The following C10orf143 variants were observed in gnomAD, a reference collection of about 807,000 sequenced individuals.
C10orf143 encodes the protein uncharacterized protein C10orf143.
intron 1 of C10orf143, among the ~76,000 whole-genome samples, chr10:130,083,809 A>T (rs1204338636): frequency 6.6e-6 from 1 of 152,188 alleles, no homozygotes; most frequent in Non-Finnish European, 1.5e-5. Flanking sequence ...ACAGGGTGGC[A>T]TGGGAACAGA....
chr10:130,099,039 G>C (rs1168381774), intron 1 of C10orf143, among the ~76,000 whole-genome samples: 1 of 145,320 alleles, frequency 6.9e-6, no homozygotes, highest in Non-Finnish European at 1.5e-5. Context: ...AGTGAGCCAA[G>C]ATCATGCCAC....
intron 4 of C10orf143, among the ~76,000 whole-genome samples, chr10:130,035,205 G>A (rs1362764654): frequency 6.6e-6 from 1 of 152,138 alleles, no homozygotes; most frequent in Admixed American, 6.5e-5. Context: ...AGCAGATATG[G>A]TTTCCTCTGA....
At chr10:130,043,823 C>T (rs1190638482) in intron 3 of C10orf143, among the ~76,000 whole-genome samples, 4 of 152,208 alleles carry the variant, frequency 2.6e-5, no homozygotes, top group Non-Finnish European at 1.5e-5. Context: ...CCAAAATGAA[C>T]GAGCAGATGC....
chr10:130,052,233 G>C (rs1227868357), intron 3 of C10orf143, among the ~76,000 whole-genome samples: 1 of 151,960 alleles, frequency 6.6e-6, no homozygotes, highest in African/African-American at 2.4e-5. Flanking sequence ...CTGGACGGGA[G>C]CCCGATGGGG....
At chr10:130,053,962 AGCCAT>A (rs1860768503) in intron 3 of C10orf143, among the ~76,000 whole-genome samples, 2 of 152,166 alleles carry the variant, frequency 1.3e-5, no homozygotes, top group Non-Finnish European at 2.9e-5. Context: ...AGCAAGTGTG[AGCCAT>A]CCCTCCAAGT....
intron 1 of C10orf143, among the ~76,000 whole-genome samples, chr10:130,097,048 C>T (rs1156477969): frequency 6.6e-6 from 1 of 151,256 alleles, no homozygotes; most frequent in Non-Finnish European, 1.5e-5. Flanking sequence ...GTAACCTCTA[C>T]CTCCTGGGTT....
chr10:130,094,870 T>C (rs542320214), intron 1 of C10orf143, among the ~76,000 whole-genome samples: 1 of 152,318 alleles, frequency 6.6e-6, no homozygotes, highest in African/African-American at 2.4e-5. Flanking sequence ...TTGGAAGTTC[T>C]GGCCAGGGCA....
intron 3 of C10orf143, among the ~76,000 whole-genome samples, chr10:130,048,003 C>T (rs1220220314): frequency 6.6e-6 from 1 of 152,248 alleles, no homozygotes; most frequent in Non-Finnish European, 1.5e-5. Context: ...AGTGTCTCCC[C>T]CTCAATACTA....
downstream of C10orf143, among the ~76,000 whole-genome samples, chr10:130,059,506 A>G (rs1171750): frequency 1 from 151,746 of 152,322 alleles, 75,588 homozygotes; most frequent in Middle Eastern, 1. Context: ...AAGCATCTCC[A>G]AAAAGCAGTG....
intron 3 of C10orf143, among the ~76,000 whole-genome samples, chr10:130,041,157 G>A (rs904962393): frequency 6.6e-5 from 10 of 152,232 alleles, no homozygotes; most frequent in Non-Finnish European, 2.9e-5. Flanking sequence ...GTCTTGCCAG[G>A]GAGAAGCTGT....
intron 1 of C10orf143, chr10:130,106,429 G>A (rs1485372125): frequency 1.9e-6 from 3 of 1,602,682 alleles, no homozygotes; most frequent in Non-Finnish European, 2.6e-6. Context: ...GAAGTTTGGA[G>A]GCAACCTGTG....
At chr10:130,060,868 T>G (rs1041754145), downstream of C10orf143, among the ~76,000 whole-genome samples, 1 of 145,882 alleles carries the variant, frequency 6.9e-6, no homozygotes, top group African/African-American at 2.6e-5. Flanking sequence ...CCGGGCGCGG[T>G]GGCTCACACC....
At chr10:130,055,474 G>A (rs1248159140) in intron 3 of C10orf143, among the ~76,000 whole-genome samples, 1 of 152,160 alleles carries the variant, frequency 6.6e-6, no homozygotes, top group African/African-American at 2.4e-5. Flanking sequence ...CATAGGAATG[G>A]CCATGGGTCA....
intron 3 of C10orf143, among the ~76,000 whole-genome samples, chr10:130,045,460 C>G (rs1242098122): frequency 6.6e-6 from 1 of 152,228 alleles, no homozygotes; most frequent in Non-Finnish European, 1.5e-5. Context: ...CCACAGTGCC[C>G]CGCAGACAGT....
At chr10:130,100,470 C>T (rs1441623247) in intron 1 of C10orf143, among the ~76,000 whole-genome samples, 1 of 152,054 alleles carries the variant, frequency 6.6e-6, no homozygotes, top group African/African-American at 2.4e-5. Flanking sequence ...GCGAAGGTTG[C>T]AGTGAGCTAC....
At chr10:130,100,565 G>C (rs1333736197) in intron 1 of C10orf143, among the ~76,000 whole-genome samples, 3 of 152,050 alleles carry the variant, frequency 2.0e-5, no homozygotes, top group African/African-American at 7.2e-5. Context: ...AAATTTAGCA[G>C]AGAAGAACAT....
chr10:130,059,445 G>A (rs1860830878), downstream of C10orf143, among the ~76,000 whole-genome samples: 1 of 152,204 alleles, frequency 6.6e-6, no homozygotes, highest in Non-Finnish European at 1.5e-5. Flanking sequence ...ACATGCTCCA[G>A]TAGAAAAATG....
Position 130,058,728 on chromosome 10 carries a change from G to A in C10orf143, c.297+20838C>T, listed in dbSNP as rs148940496. 5.3e-5 allele frequency among the ~76,000 whole-genome samples: 8 copies of A among 152,060 alleles called. No individual in the cohort carries two copies. The East Asian group carries it at 9.7e-4, about 18-fold the overall frequency. The stretch of plus-strand genomic sequence containing the variant: ...TGTTTATCAGAGCAAAATGTACCAC[G>A]TGTCTGTGTAAGTCTTAATACTGTA... On this transcript the variant is annotated intron_variant and NMD_transcript_variant, in intron 3 of 5. Transcript: ENST00000643056.
rs1224682198 is a variant in C10orf143, at chr10:130,065,293, G to A, written c.298-910C>T. On this transcript the variant is annotated intron_variant, in intron 3 of 3. Coordinates refer to ENST00000637128, the MANE Select transcript of C10orf143 (RefSeq NM_001355042.2). The surrounding 1 kb of genome is among the most constrained non-coding windows in gnomAD (Gnocchi z 4.2). ...GATGGCTCCTTCGAGTGATCAGAAC[G>A]AAATGCTACAGGAGCCAGGGAAGAC... The A allele has an allele frequency of 1.3e-5, 2 of 152,228 alleles. No homozygotes were observed. Among genetic ancestry groups the A allele is most frequent in the Admixed American group, 6.5e-5 (1 of 15,274 alleles). 9.4% of individuals were successfully genotyped at this position (152,228 alleles called of 1,614,324 possible).
Sources: gnomAD v4.1 joint callset for allele counts (sites outside exome capture counted in the v4.1 genomes callset) on GRCh38, gnomAD v4.1.1 for gene constraint, Gnocchi (gnomAD v3.1) non-coding constraint, MANE v1.5 for transcripts, NCBI Gene and HGNC (gene_info 2026-07-23, HGNC 2026-07-21) for gene names.